The following BCKDHB variants were observed in gnomAD, a reference collection of about 807,000 sequenced individuals.
BCKDHB encodes the protein 2-oxoisovalerate dehydrogenase subunit beta, mitochondrial.
BCKDHB carries 41 observed loss-of-function variants against 48.5 expected under a neutral mutation model. The ratio of observed to expected loss-of-function variants is 0.85; its 90% CI spans 0.66 to 1.10. The LOEUF (loss-of-function observed/expected upper bound fraction) is 1.10. Ranked by LOEUF, BCKDHB falls within the 50% of genes least tolerant of loss-of-function variation. The pLI, the probability that BCKDHB is intolerant of heterozygous loss-of-function variation, is 0.00. For synonymous variants in BCKDHB, 201 were observed against 174.8 expected, an observed-to-expected ratio of 1.15 and a Z score of -1.18; for missense variants, 496 against 494.2, an observed-to-expected ratio of 1.00 and a Z score of -0.03.
At chr6:80,230,103 A>G (rs1031728518) in intron 8 of BCKDHB, among the ~76,000 whole-genome samples, 22 of 116,216 alleles carry the variant, frequency 1.9e-4, no homozygotes, top group Non-Finnish European at 3.2e-4. Flanking sequence ...CAGTGGCGCT[A>G]TCCCGGCTCA....
intron 9 of BCKDHB, among the ~76,000 whole-genome samples, chr6:80,335,897 A>C (rs554791355): frequency 2.0e-5 from 3 of 152,174 alleles, no homozygotes; most frequent in African/African-American, 7.2e-5. Flanking sequence ...TATGATTGCT[A>C]ATTTAGATTT....
chr6:80,285,313 T>A (rs1206796621), intron 9 of BCKDHB, among the ~76,000 whole-genome samples: 1 of 152,222 alleles, frequency 6.6e-6, no homozygotes, highest in East Asian at 1.9e-4. Context: ...AAGTACTGCA[T>A]AAATGTTGAT....
intron 1 of BCKDHB, among the ~76,000 whole-genome samples, chr6:80,108,820 A>G (rs1713566443): frequency 6.6e-6 from 1 of 152,186 alleles, no homozygotes; most frequent in African/African-American, 2.4e-5. Flanking sequence ...ATATCGTGCC[A>G]CTGCACTCCA....
At chr6:80,432,943 G>T in the BCKDHB span, among the ~76,000 whole-genome samples, 1 of 152,162 alleles carries the variant, frequency 6.6e-6, no homozygotes, top group Admixed American at 6.5e-5. Context: ...GCTGGAGTTT[G>T]CTGGAGGTCC....
At chr6:80,260,139 G>A (rs1208771952) in intron 8 of BCKDHB, among the ~76,000 whole-genome samples, 1 of 151,966 alleles carries the variant, frequency 6.6e-6, no homozygotes, top group African/African-American at 2.4e-5. Context: ...CACTCTCACC[G>A]CTAGTTGCCT....
intron 6 of BCKDHB, among the ~76,000 whole-genome samples, chr6:80,199,654 G>T (rs954255551): frequency 1.3e-5 from 2 of 150,906 alleles, no homozygotes; most frequent in Admixed American, 1.3e-4. Flanking sequence ...GTGCGTGCCT[G>T]TAATCCCAGC....
intron 9 of BCKDHB, among the ~76,000 whole-genome samples, chr6:80,317,729 C>T (rs1768522931): frequency 6.6e-6 from 1 of 152,160 alleles, no homozygotes. Flanking sequence ...TATCACAATC[C>T]CTTTCTCTTT....
chr6:80,231,906 A>T (rs1439758330), intron 8 of BCKDHB, among the ~76,000 whole-genome samples: 1 of 152,182 alleles, frequency 6.6e-6, no homozygotes, highest in African/African-American at 2.4e-5. Context: ...CAGAGGTTGC[A>T]ATGAGCCGAG....
intron 9 of BCKDHB, among the ~76,000 whole-genome samples, chr6:80,281,219 A>T (rs1778181305): frequency 6.6e-6 from 1 of 152,090 alleles, no homozygotes; most frequent in South Asian, 2.1e-4. Context: ...AGGAAGAGAT[A>T]ATCTTAAGAA....
At chr6:80,421,299 C>T in the BCKDHB span, among the ~76,000 whole-genome samples, 1 of 152,144 alleles carries the variant, frequency 6.6e-6, no homozygotes, top group Non-Finnish European at 1.5e-5. Flanking sequence ...GAGGCCTCCC[C>T]AGCCGTGCAG....
At chr6:80,439,123 A>G in the BCKDHB span, among the ~76,000 whole-genome samples, 1 of 152,330 alleles carries the variant, frequency 6.6e-6, no homozygotes, top group East Asian at 1.9e-4. Context: ...AGACCCAGAC[A>G]CATCACTTCT....
intron 7 of BCKDHB, 123 bp downstream of exon 7, chr6:80,201,154 A>G: frequency 2.5e-6 from 2 of 800,230 alleles, no homozygotes; most frequent in Non-Finnish European, 4.3e-6. Context: ...GTCTGGTGCT[A>G]CTGATGCTAA....
chr6:80,276,384 AAAATATT>A (rs1190357963), intron 9 of BCKDHB, among the ~76,000 whole-genome samples: 1 of 152,012 alleles, frequency 6.6e-6, no homozygotes, highest in Non-Finnish European at 1.5e-5. Flanking sequence ...ATTAAAATAA[AAAATATT>A]GAAGAGAATA....
intron 8 of BCKDHB, among the ~76,000 whole-genome samples, chr6:80,237,962 A>G (rs919854989): frequency 6.6e-6 from 1 of 152,216 alleles, no homozygotes; most frequent in African/African-American, 2.4e-5. Context: ...TTTCATGTCT[A>G]GTTGAAATGT....
chr6:80,356,568 CTAT>C, the BCKDHB span: 1 of 152,200 alleles, frequency 6.6e-6, no homozygotes, highest in African/African-American at 2.4e-5. Context: ...GTGATTACAA[CTAT>C]TATTACTTAT....
the BCKDHB span, among the ~76,000 whole-genome samples, chr6:80,355,265 T>G: frequency 1.3e-5 from 2 of 151,996 alleles, no homozygotes; most frequent in African/African-American, 4.8e-5. Flanking sequence ...CTGGGCATGG[T>G]GGTACACGCC....
intron 8 of BCKDHB, among the ~76,000 whole-genome samples, chr6:80,213,437 A>G (rs1358190590): frequency 6.6e-6 from 1 of 152,126 alleles, no homozygotes; most frequent in Non-Finnish European, 1.5e-5. Flanking sequence ...TTTTATGGAT[A>G]ATTACATTTT....
At chr6:80,353,820 T>C in the BCKDHB span, among the ~76,000 whole-genome samples, 1 of 151,674 alleles carries the variant, frequency 6.6e-6, no homozygotes, top group Non-Finnish European at 1.5e-5. Flanking sequence ...GCCACTGTGC[T>C]CCAGCCTGGG....
intron 9 of BCKDHB, among the ~76,000 whole-genome samples, chr6:80,332,681 CTGA>C (rs1267071045): frequency 1.4e-5 from 2 of 145,060 alleles, no homozygotes; most frequent in African/African-American, 5.1e-5. Context: ...ATGAAGCACT[CTGA>C]TGATTTTTTT....
Sources: gnomAD v4.1 joint callset for allele counts (sites outside exome capture counted in the v4.1 genomes callset) on GRCh38, gnomAD v4.1.1 for gene constraint, MANE v1.5 for transcripts, NCBI Gene and HGNC (gene_info 2026-07-23, HGNC 2026-07-21) for gene names.